The following RPSA2 variants were observed in gnomAD, a reference collection of about 807,000 sequenced individuals.
The protein encoded by RPSA2 is ribosomal protein SA 2.
At chr19:23,851,906 C>T in the RPSA2 span, among the ~76,000 whole-genome samples, 4 of 152,154 alleles carry the variant, frequency 2.6e-5, no homozygotes, top group Non-Finnish European at 5.9e-5. Flanking sequence ...TGTTGAGAAG[C>T]GGCCTGAACT....
At chr19:23,855,844 G>A in the RPSA2 span, among the ~76,000 whole-genome samples, 2 of 152,104 alleles carry the variant, frequency 1.3e-5, no homozygotes, top group Non-Finnish European at 2.9e-5. Context: ...AGAAGTACAG[G>A]TGAATTGTAG....
At chr19:23,862,686 A>G in the RPSA2 span, among the ~76,000 whole-genome samples, 2 of 151,600 alleles carry the variant, frequency 1.3e-5, no homozygotes, top group South Asian at 4.2e-4. Flanking sequence ...CATTTATTGC[A>G]TTTATTGATT....
the RPSA2 span, among the ~76,000 whole-genome samples, chr19:23,804,678 C>T: frequency 3.9e-5 from 6 of 152,234 alleles, no homozygotes; most frequent in Admixed American, 2.6e-4. Flanking sequence ...TTAAAACACC[C>T]ATTTATGGAC....
chr19:23,838,753 C>T, the RPSA2 span, among the ~76,000 whole-genome samples: 1 of 18,632 alleles, frequency 5.4e-5, no homozygotes, highest in African/African-American at 1.2e-4. Flanking sequence ...TCTTAGGAGC[C>T]TTGAATGATT....
the RPSA2 span, among the ~76,000 whole-genome samples, chr19:23,815,583 G>A: frequency 4.6e-5 from 7 of 152,264 alleles, no homozygotes; most frequent in East Asian, 1.4e-3. Context: ...TTTTTGTACA[G>A]TCTGCTGGAT....
At chr19:23,804,083 T>G in the RPSA2 span, among the ~76,000 whole-genome samples, 1 of 152,138 alleles carries the variant, frequency 6.6e-6, no homozygotes, top group Non-Finnish European at 1.5e-5. Flanking sequence ...ACCTGCTTAA[T>G]AAACATTGCA....
the RPSA2 span, among the ~76,000 whole-genome samples, chr19:23,845,802 A>T: frequency 1.3e-5 from 2 of 152,106 alleles, no homozygotes; most frequent in East Asian, 3.9e-4. Flanking sequence ...GGCCATCCTA[A>T]TTACTTCATT....
the RPSA2 span, among the ~76,000 whole-genome samples, chr19:23,848,499 ATG>A: frequency 1.7e-4 from 1 of 5,932 alleles, no homozygotes; most frequent in African/African-American, 1.8e-4. Flanking sequence ...ACCTGATCTA[ATG>A]TATAACTCCA....
chr19:23,786,425 T>A, the RPSA2 span, among the ~76,000 whole-genome samples: 28 of 152,270 alleles, frequency 1.8e-4, no homozygotes, highest in Admixed American at 4.6e-4. Context: ...ATCCAGCACC[T>A]CGGTGATTTG....
At chr19:23,815,915 CAG>C in the RPSA2 span, among the ~76,000 whole-genome samples, 3 of 151,234 alleles carry the variant, frequency 2.0e-5, no homozygotes, top group African/African-American at 7.3e-5. Context: ...TATGTAATAT[CAG>C]TGTTTGTCTC....
At chr19:23,827,966 G>A in the RPSA2 span, 107 of 903,626 alleles carry the variant, frequency 1.2e-4, no homozygotes, top group East Asian at 3.2e-4. Context: ...AGACTGGAGC[G>A]CTCAGCCTGC....
the RPSA2 span, among the ~76,000 whole-genome samples, chr19:23,816,670 G>A: frequency 6.6e-6 from 1 of 151,980 alleles, no homozygotes; most frequent in Non-Finnish European, 1.5e-5. Flanking sequence ...TGATAAAAAC[G>A]TACCTTACCC....
chr19:23,760,146 C>T, the RPSA2 span, among the ~76,000 whole-genome samples: 2 of 152,116 alleles, frequency 1.3e-5, no homozygotes, highest in Non-Finnish European at 1.5e-5. Flanking sequence ...AAGTGTGGAG[C>T]TGGGGGAAAA....
At chr19:23,831,937 C>A in the RPSA2 span, 2 of 311,618 alleles carry the variant, frequency 6.4e-6, no homozygotes, top group East Asian at 8.1e-5. Flanking sequence ...CAAAACCCAA[C>A]ATAAAAGCAT....
the RPSA2 span, among the ~76,000 whole-genome samples, chr19:23,825,132 A>G: frequency 1.2e-4 from 19 of 152,054 alleles, no homozygotes; most frequent in African/African-American, 4.3e-4. Flanking sequence ...GGTGCCCGCC[A>G]CCACGCCCAG....
At chr19:23,776,155 A>G in the RPSA2 span, among the ~76,000 whole-genome samples, 1 of 152,194 alleles carries the variant, frequency 6.6e-6, no homozygotes, top group Non-Finnish European at 1.5e-5. Flanking sequence ...CAGGATATGC[A>G]CAGGATTGTT....
the RPSA2 span, among the ~76,000 whole-genome samples, chr19:23,849,321 A>G: frequency 3.2e-5 from 1 of 30,898 alleles, no homozygotes; most frequent in Non-Finnish European, 7.0e-5. Flanking sequence ...GTGCCCAGGG[A>G]TGCCAAAGAG....
At chr19:23,761,405 C>A in the RPSA2 span, among the ~76,000 whole-genome samples, 1 of 152,076 alleles carries the variant, frequency 6.6e-6, no homozygotes, top group African/African-American at 2.4e-5. Flanking sequence ...AGAACTGTTA[C>A]AACCAAATTA....
the RPSA2 span, among the ~76,000 whole-genome samples, chr19:23,830,441 G>A: frequency 5.5e-4 from 83 of 152,250 alleles, no homozygotes; most frequent in East Asian, 0.014. Flanking sequence ...CACCATGCCT[G>A]GCCTGGCACA....
Sources: allele counts gnomAD v4.1 joint callset (sites outside exome capture counted in the v4.1 genomes callset), GRCh38; gene constraint gnomAD v4.1.1; transcripts MANE v1.5; gene names NCBI Gene and HGNC (gene_info 2026-07-23, HGNC 2026-07-21).